Variants in LIMD1 observed in about 807,000 individuals in gnomAD.
LIMD1 encodes LIM domain-containing protein 1.
A neutral mutation model predicts 58.4 loss-of-function variants in LIMD1; 23 were observed. That is an observed-to-expected ratio of 0.39 (90% CI 0.28 to 0.56). The LOEUF (loss-of-function observed/expected upper bound fraction) is 0.56, where lower values mean the gene tolerates loss of function less well. Among genes scored for constraint, LIMD1 ranks in the 20% least tolerant of loss-of-function variants. The pLI, the probability that LIMD1 is intolerant of heterozygous loss-of-function variation, is 0.57. For synonymous variants in LIMD1, 334 were observed against 345.5 expected (o/e 0.97, Z 0.37); for missense variants, 838 against 855.5 (o/e 0.98, Z 0.25).
chr3:45,668,433 T>C (rs376569994), intron 4 of LIMD1, 77 bp downstream of exon 4: 1 of 1,132,254 alleles, frequency 8.8e-7, no homozygotes, highest in African/African-American at 1.5e-5. Flanking sequence ...AAATTAATAA[T>C]TGAGGACAGT....
At chr3:45,635,800 T>G in intron 1 of LIMD1, 1 of 529,762 alleles carries the variant, frequency 1.9e-6, no homozygotes, top group Non-Finnish European at 2.4e-6. Flanking sequence ...ATGCTTGGCA[T>G]ATTATAGTGA....
Position 45,664,946 on chromosome 3 carries a change from G to C in LIMD1, c.1511-704G>C, listed in dbSNP as rs1024517769. ...TGAATACTGCCAAGTAGGGGATCCC[G>C]GGACACCCTCTGCTGACCTTGAGCT... On this transcript the variant is annotated intron_variant, in intron 2 of 7. Coordinates refer to ENST00000273317, the MANE Select transcript of LIMD1 (RefSeq NM_014240.3). 6.6e-5 allele frequency among the ~76,000 whole-genome samples: 10 copies of C among 152,136 alleles called. 1 individual carries two copies. Among genetic ancestry groups the C allele is most frequent in the Middle Eastern group, 3.4e-3 (1 of 294 alleles).
At chr3:45,673,627 C>T in intron 6 of LIMD1, 122 bp downstream of exon 6, 2 of 913,310 alleles carry the variant, frequency 2.2e-6, no homozygotes, top group Non-Finnish European at 3.6e-6. Context: ...AAAATCTCAA[C>T]TCTGGCCTGG....
intron 1 of LIMD1, among the ~76,000 whole-genome samples, chr3:45,628,748 T>C (rs1021137053): frequency 3.9e-5 from 6 of 152,160 alleles, no homozygotes; most frequent in East Asian, 1.9e-4. Flanking sequence ...AGCCTCAAAC[T>C]GGAAACAACT....
At chr3:45,596,403 G>GT (rs1259173773) in intron 1 of LIMD1, 116 bp downstream of exon 1, 6 of 815,506 alleles carry the variant, frequency 7.4e-6, no homozygotes, top group African/African-American at 3.5e-5. Context: ...TGAGTGGCCT[G>GT]TTTTTTTATT....
chr3:45,653,919 A>AG (rs1701998734), intron 2 of LIMD1, among the ~76,000 whole-genome samples: 1 of 145,778 alleles, frequency 6.9e-6, no homozygotes, highest in African/African-American at 2.6e-5. Context: ...AAAAAAAAAA[A>AG]AAAAAAAGAA....
At chr3:45,658,605 G>A (rs1431617788) in intron 2 of LIMD1, among the ~76,000 whole-genome samples, 1 of 130,452 alleles carries the variant, frequency 7.7e-6, no homozygotes, top group Non-Finnish European at 1.6e-5. Context: ...TTGCAGGCTG[G>A]AGTGCAATGG....
rs1207030401 is a variant in LIMD1, at chr3:45,677,037, C to T, written c.2009C>T (p.Ala670Val). 9 of 1,613,796 alleles carry T rather than the reference C, an allele frequency of 5.6e-6. No homozygotes were observed. The highest frequency in any genetic ancestry group is 1.3e-5 in the African/African-American group (1 of 74,924). The change falls in exon 8 of 8, where the codon GCC (alanine) becomes GTC (valine). Residue 670 changes from alanine (A) to valine (V), a missense_variant. Physicochemically the swap from Ala to Val is moderately conservative, Grantham distance 64. Transcript: ENST00000273317. ...CTGGAGAAGAGACCCTCATCTACAG[C>T]CCTTCACCAGCACCACTTCTAGCCA... is the stretch of plus-strand genomic sequence containing the variant. The part of the protein sequence containing the change: ...KRLEKRPSST[A>V]LHQHHF
chr3:45,597,404 C>G (rs1701368814), intron 1 of LIMD1, among the ~76,000 whole-genome samples: 1 of 152,202 alleles, frequency 6.6e-6, no homozygotes. Context: ...GTGGCACAAA[C>G]TATGATGGAA....
intron 1 of LIMD1, among the ~76,000 whole-genome samples, chr3:45,602,667 C>T (rs908653007): frequency 2.0e-5 from 3 of 152,180 alleles, no homozygotes; most frequent in African/African-American, 4.8e-5. Context: ...CCTGGCAATG[C>T]ACAGGGTTAA....
chr3:45,655,148 G>C (rs1471552180), intron 2 of LIMD1, among the ~76,000 whole-genome samples: 1 of 152,096 alleles, frequency 6.6e-6, no homozygotes, highest in Non-Finnish European at 1.5e-5. Flanking sequence ...TCGAACTCCT[G>C]ACCTCAAGTG....
chr3:45,603,213 A>C (rs1701433477), intron 1 of LIMD1, among the ~76,000 whole-genome samples: 1 of 152,196 alleles, frequency 6.6e-6, no homozygotes, highest in Non-Finnish European at 1.5e-5. Flanking sequence ...GCTTAATTCC[A>C]GCCTAGATTA....
chr3:45,665,775 G>A (rs1233112023), intron 3 of LIMD1, 58 bp downstream of exon 3: 1 of 1,471,034 alleles, frequency 6.8e-7, no homozygotes, highest in African/African-American at 1.4e-5. Flanking sequence ...GAGGGCAGGG[G>A]CCTGGGGGGA....
At chr3:45,624,695 C>T (rs1701653802) in intron 1 of LIMD1, among the ~76,000 whole-genome samples, 1 of 152,124 alleles carries the variant, frequency 6.6e-6, no homozygotes, top group Non-Finnish European at 1.5e-5. Flanking sequence ...TGCACTCCAG[C>T]CTGGGCGACA....
At chr3:45,671,243 C>T (rs190089613) in intron 4 of LIMD1, among the ~76,000 whole-genome samples, 12 of 152,358 alleles carry the variant, frequency 7.9e-5, no homozygotes, top group Admixed American at 7.8e-4. Flanking sequence ...GCTGGAATAG[C>T]ACAACGCCCT....
At chr3:45,617,128 G>A (rs901418582) in intron 1 of LIMD1, among the ~76,000 whole-genome samples, 1 of 150,742 alleles carries the variant, frequency 6.6e-6, no homozygotes, top group Non-Finnish European at 1.5e-5. Context: ...CTGCCTCTCA[G>A]GTTCAAGCAG....
intron 2 of LIMD1, among the ~76,000 whole-genome samples, chr3:45,655,651 G>T (rs951088785): frequency 3.3e-5 from 5 of 152,164 alleles, no homozygotes; most frequent in Non-Finnish European, 4.4e-5. Flanking sequence ...TACTAAGTCA[G>T]CAGTCTGTGT....
rs1188211554 is a variant in LIMD1 at position 45,677,747 on chromosome 3, G to A, written c.*688G>A. ...CCCTTCAAATCCTTACTCTCCTAAAGGCAGCTGAGTCCGCGACAGAAATTT... is the reference window on the plus strand; with the variant it reads ...CCCTTCAAATCCTTACTCTCCTAAAAGCAGCTGAGTCCGCGACAGAAATTT... On this transcript the variant is annotated 3_prime_UTR_variant, in exon 8 of 8. Transcript: ENST00000273317. 6.6e-6 allele frequency: 1 copy of A among 152,214 alleles called. No individual in the cohort carries two copies. The highest frequency in any genetic ancestry group is 2.4e-5 in the African/African-American group (1 of 41,448). 9.4% of individuals were successfully genotyped at this position (152,214 alleles called of 1,614,324 possible).
At chr3:45,640,416 TTTG>T (rs201699482) in intron 2 of LIMD1, among the ~76,000 whole-genome samples, 1 of 152,070 alleles carries the variant, frequency 6.6e-6, no homozygotes, top group African/African-American at 2.4e-5. Flanking sequence ...CTTGTTGTTT[TTTG>T]TTGTTGTTGT....
Sources: gnomAD v4.1 joint callset for allele counts (sites outside exome capture counted in the v4.1 genomes callset) on GRCh38, gnomAD v4.1.1 for gene constraint, MANE v1.5 for transcripts, NCBI Gene and HGNC (gene_info 2026-07-23, HGNC 2026-07-21) for gene names.